The following ADAMTSL1 variants were observed in gnomAD, a reference collection of about 807,000 sequenced individuals.
The protein encoded by ADAMTSL1 is ADAMTS like 1.
ADAMTSL1 carries 126 observed loss-of-function variants against 201.8 expected under a neutral mutation model. That is an observed-to-expected ratio of 0.62 (90% CI 0.54 to 0.72). ADAMTSL1 has a LOEUF of 0.72. Ranked by LOEUF, ADAMTSL1 falls within the 30% of genes least tolerant of loss-of-function variation. The pLI, the probability that ADAMTSL1 is intolerant of heterozygous loss-of-function variation, is 0.00. For missense variants in ADAMTSL1, 2,679 were observed against 2,277.8 expected (o/e 1.18, Z -3.59); for synonymous variants, 1,121 against 903.4 (o/e 1.24, Z -4.32).
intron 1 of ADAMTSL1, among the ~76,000 whole-genome samples, chr9:18,484,898 C>T (rs568024149): frequency 4.7e-4 from 71 of 152,140 alleles, no homozygotes; most frequent in East Asian, 4.6e-3. Flanking sequence ...GTAGGAGTTA[C>T]GGAAAGTAGA....
intron 2 of ADAMTSL1, among the ~76,000 whole-genome samples, chr9:18,376,715 A>C (rs1412110086): frequency 6.6e-6 from 1 of 152,138 alleles, no homozygotes; most frequent in Non-Finnish European, 1.5e-5. Flanking sequence ...CTGAGGCTGG[A>C]GAATCACTTG....
chr9:18,541,276 C>T (rs1224609022), intron 3 of ADAMTSL1, among the ~76,000 whole-genome samples: 5 of 152,022 alleles, frequency 3.3e-5, no homozygotes, highest in African/African-American at 9.7e-5. Context: ...TTTGGGAGGC[C>T]GAGGCAGGCA....
At chr9:18,256,223 G>A (rs1831676098) in intron 2 of ADAMTSL1, among the ~76,000 whole-genome samples, 1 of 152,146 alleles carries the variant, frequency 6.6e-6, no homozygotes. Flanking sequence ...CCTTGAGGAG[G>A]GTTTTATTCA....
intron 10 of ADAMTSL1, among the ~76,000 whole-genome samples, chr9:18,676,114 A>G (rs1277791222): frequency 6.6e-6 from 1 of 152,068 alleles, no homozygotes; most frequent in East Asian, 1.9e-4. Context: ...AAACCACTTT[A>G]AGGTAGAATC....
rs1256725703 is a variant in ADAMTSL1, at chr9:18,504,922, G to T, written c.157G>T (p.Ala53Ser). The T allele has an allele frequency of 1.9e-6, 3 of 1,611,436 alleles. No homozygotes were observed. The African/African-American group carries it at 4.0e-5, about 22-fold the overall frequency. Residue 53 changes from alanine to serine, a missense_variant, in exon 2 of 29, where the codon GCC becomes TCC. Coordinates refer to ENST00000380548, the MANE Select transcript of ADAMTSL1 (RefSeq NM_001040272.6). The stretch of plus-strand genomic sequence containing the variant: ...ATGCTCACGCACCTGCGGGGGTGGG[G>T]CCTCCTACTCTCTGAGGCGCTGCCT... ...SECSRTCGGG[A>S]SYSLRRCLSS...
intron 15 of ADAMTSL1, among the ~76,000 whole-genome samples, chr9:18,725,467 A>C (rs527632579): frequency 1.3e-5 from 2 of 152,298 alleles, no homozygotes; most frequent in African/African-American, 4.8e-5. Context: ...AGAATTTTCC[A>C]TCAAAGTTAA....
chr9:18,677,391 A>G (rs1830189448), intron 10 of ADAMTSL1, among the ~76,000 whole-genome samples: 1 of 152,052 alleles, frequency 6.6e-6, no homozygotes, highest in African/African-American at 2.4e-5. Flanking sequence ...TTTTGAAGTA[A>G]TGAAAATAGC....
At position 18,909,155 on chromosome 9, in the gene ADAMTSL1, GCAAA is replaced by G. The variant is rs764745983; in HGVS notation, c.*612_*615del. 4.6e-5 allele frequency: 7 copies of G among 152,554 alleles called. No homozygotes were observed. The East Asian group carries it at 1.3e-3, about 29-fold the overall frequency. The allele number at this position is 152,554 out of a possible 1,614,324, so 9.5% of individuals were successfully genotyped here. A position where few individuals can be genotyped will look rare whatever the true frequency, so the allele number is the denominator to read the frequency against. On this transcript the variant is annotated 3_prime_UTR_variant, in exon 29 of 29. Coordinates refer to ENST00000380548, the MANE Select transcript of ADAMTSL1 (RefSeq NM_001040272.6). ...ATCACCAGTAGGGAGAGGTAAAAAA[GCAAA>G]CAAAGCAGGCTCTAAGGCACACAAC...
intron 1 of ADAMTSL1, among the ~76,000 whole-genome samples, chr9:18,137,152 G>A (rs1054614714): frequency 1.3e-5 from 2 of 152,186 alleles, no homozygotes. Context: ...TGCAATGATA[G>A]TAGCCCAGGT....
At chr9:18,098,180 C>T (rs1824338493) in intron 1 of ADAMTSL1, among the ~76,000 whole-genome samples, 1 of 151,846 alleles carries the variant, frequency 6.6e-6, no homozygotes, top group African/African-American at 2.4e-5. Flanking sequence ...ATATGTTTAT[C>T]ATTATTCTAA....
intron 1 of ADAMTSL1, among the ~76,000 whole-genome samples, chr9:18,103,111 T>G (rs1824603303): frequency 6.6e-6 from 1 of 152,182 alleles, no homozygotes; most frequent in African/African-American, 2.4e-5. Context: ...TCCTGGGGAT[T>G]TTATAATAAG....
At chr9:18,471,310 A>G (rs1416260212), upstream of ADAMTSL1, among the ~76,000 whole-genome samples, 1 of 152,174 alleles carries the variant, frequency 6.6e-6, no homozygotes, top group Non-Finnish European at 1.5e-5. Context: ...ATATGAGATG[A>G]GGGTGGATTT....
intron 23 of ADAMTSL1, among the ~76,000 whole-genome samples, chr9:18,884,031 C>T (rs1056509911): frequency 6.6e-6 from 1 of 152,196 alleles, no homozygotes; most frequent in African/African-American, 2.4e-5. Context: ...TATATTCCCA[C>T]TAGCAATGCA....
At chr9:18,304,461 G>A (rs1167885055) in intron 2 of ADAMTSL1, among the ~76,000 whole-genome samples, 1 of 152,000 alleles carries the variant, frequency 6.6e-6, no homozygotes, top group Admixed American at 6.5e-5. Flanking sequence ...GCAAAACCTG[G>A]TTTTGCTATT....
At chr9:18,180,068 G>T (rs1828383675) in intron 2 of ADAMTSL1, among the ~76,000 whole-genome samples, 1 of 152,090 alleles carries the variant, frequency 6.6e-6, no homozygotes, top group South Asian at 2.1e-4. Flanking sequence ...CCAATTAAAA[G>T]ACACAGACTG....
At chr9:18,282,489 T>C (rs942380103) in intron 2 of ADAMTSL1, among the ~76,000 whole-genome samples, 26 of 152,262 alleles carry the variant, frequency 1.7e-4, no homozygotes, top group African/African-American at 6.0e-4. Context: ...ATGACTCATT[T>C]CTATTTAAAT....
chr9:18,332,607 G>C (rs1361254429), intron 2 of ADAMTSL1, among the ~76,000 whole-genome samples: 1 of 152,144 alleles, frequency 6.6e-6, no homozygotes, highest in East Asian at 1.9e-4. Flanking sequence ...CATGCTACCA[G>C]ACATGGCAAT....
chr9:18,482,952 GGC>G (rs1269631446), intron 1 of ADAMTSL1, among the ~76,000 whole-genome samples: 1 of 152,006 alleles, frequency 6.6e-6, no homozygotes, highest in Non-Finnish European at 1.5e-5. Flanking sequence ...TCTTATTTGG[GGC>G]TTGTAACTGG....
At chr9:18,642,616 T>C (rs1827521416) in intron 7 of ADAMTSL1, among the ~76,000 whole-genome samples, 2 of 152,016 alleles carry the variant, frequency 1.3e-5, no homozygotes, top group Admixed American at 1.3e-4. Flanking sequence ...GCCAATATTC[T>C]ACTCTGTGTT....
Sources: gnomAD v4.1 joint callset for allele counts (sites outside exome capture counted in the v4.1 genomes callset) on GRCh38, gnomAD v4.1.1 for gene constraint, MANE v1.5 for transcripts, NCBI Gene and HGNC (gene_info 2026-07-23, HGNC 2026-07-21) for gene names.